ZFHX4: variants seen among roughly 807,000 people sequenced by gnomAD.
ZFHX4 encodes the protein zinc finger homeobox 4.
ZFHX4 carries 56 observed loss-of-function variants against 267.6 expected under a neutral mutation model. The ratio of observed to expected loss-of-function variants is 0.21; its 90% confidence interval spans 0.17 to 0.26. ZFHX4 has a LOEUF of 0.26. ZFHX4 is among the 10% of genes least tolerant of loss of function. The pLI is 1.00. For missense variants in ZFHX4, 4,332 were observed against 4,420.0 expected (o/e 0.98, Z 0.56); for synonymous variants, 1,778 against 1,665.6 (o/e 1.07, Z -1.64).
chr8:76,850,749 A>T (rs1812492013), intron 9 of ZFHX4, 137 bp from the exon 10 acceptor site: 6 of 1,066,924 alleles, frequency 5.6e-6, no homozygotes, highest in African/African-American at 1.6e-5. Context: ...CTTGCCACAT[A>T]GTAGTTGCTC....
At chr8:76,773,114 A>G (rs1332466126) in intron 3 of ZFHX4, among the ~76,000 whole-genome samples, 1 of 152,184 alleles carries the variant, frequency 6.6e-6, no homozygotes, top group East Asian at 1.9e-4. Context: ...CATAGTGTGC[A>G]CACTAATTGT....
chr8:76,813,080 G>T (rs1811418368), intron 4 of ZFHX4, among the ~76,000 whole-genome samples: 1 of 151,980 alleles, frequency 6.6e-6, no homozygotes, highest in Non-Finnish European at 1.5e-5. Context: ...ATATACATAT[G>T]CATAAAAGTA....
intron 4 of ZFHX4, among the ~76,000 whole-genome samples, chr8:76,809,028 C>T (rs987469834): frequency 2.6e-5 from 4 of 151,904 alleles, no homozygotes; most frequent in African/African-American, 9.7e-5. Context: ...ATCTAGTGCA[C>T]CTTAATCTTT....
intron 3 of ZFHX4, among the ~76,000 whole-genome samples, chr8:76,754,738 T>C (rs993804121): frequency 2.0e-5 from 3 of 152,182 alleles, no homozygotes; most frequent in Non-Finnish European, 4.4e-5. Context: ...TCTGAACATA[T>C]GGTCACTTAT....
chr8:76,692,884 A>C (rs532877052), intron 1 of ZFHX4, among the ~76,000 whole-genome samples: 1 of 152,348 alleles, frequency 6.6e-6, no homozygotes. Flanking sequence ...CTTCTTAAAA[A>C]TAAAAGTGTG....
chr8:76,769,698 T>A (rs1361202762), intron 3 of ZFHX4, among the ~76,000 whole-genome samples: 2 of 152,166 alleles, frequency 1.3e-5, no homozygotes, highest in Non-Finnish European at 2.9e-5. Context: ...TTGGCTCTAT[T>A]TGTGGAGTCA....
At chr8:76,824,272 A>G (rs532775763) in intron 4 of ZFHX4, among the ~76,000 whole-genome samples, 54 of 152,362 alleles carry the variant, frequency 3.5e-4, no homozygotes, top group African/African-American at 1.0e-3. Flanking sequence ...TGTGTTCAGT[A>G]AGGCATATGA....
intron 3 of ZFHX4, among the ~76,000 whole-genome samples, chr8:76,732,128 C>A (rs1203454656): frequency 6.6e-6 from 1 of 151,908 alleles, no homozygotes; most frequent in Non-Finnish European, 1.5e-5. Flanking sequence ...AGGCATGAGC[C>A]ACCACACCTG....
chr8:76,859,210 T>C (rs1812806913), intron 10 of ZFHX4, among the ~76,000 whole-genome samples: 1 of 152,198 alleles, frequency 6.6e-6, no homozygotes, highest in African/African-American at 2.4e-5. Context: ...TCTGCAAATT[T>C]TTTATTCCTT....
rs752991216 is a variant in ZFHX4, at chr8:76,854,220, G to A, written c.7299G>A (p.Ser2433=). The stretch of plus-strand genomic sequence containing the variant: ...CCAAACCAGCCCTGCCATTAGCATC[G>A]ACTTCCTCGGACCCACCACAGGCAT... ...QGTKPALPLA[S]TSSDPPQAST... The change falls in exon 10 of 11, where the codon TCG becomes TCA. Residue 2433 remains serine, a synonymous_variant. Transcript: ENST00000651372. 1.3e-5 allele frequency: 21 copies of A among 1,565,304 alleles called. No homozygotes were observed. The Middle Eastern group carries it at 1.2e-3, about 87-fold the overall frequency.
At chr8:76,785,551 A>G (rs530204304) in intron 4 of ZFHX4, among the ~76,000 whole-genome samples, 1 of 152,256 alleles carries the variant, frequency 6.6e-6, no homozygotes, top group Non-Finnish European at 1.5e-5. Context: ...CTTTTCTGAG[A>G]AGCGTAATAC....
intron 1 of ZFHX4, among the ~76,000 whole-genome samples, chr8:76,690,521 T>G (rs935136638): frequency 1.3e-5 from 2 of 152,074 alleles, no homozygotes; most frequent in African/African-American, 4.8e-5. Context: ...CCTGAAATAC[T>G]TTGCTAATGT....
Position 76,853,162 on chromosome 8 carries a change from A to G in ZFHX4, c.6241A>G (p.Ile2081Val), listed in dbSNP as rs16919452. Reference protein sequence around the residue: ...VSLDLPLFPSIMMQPVQHPAL... With the variant: ...VSLDLPLFPSVMMQPVQHPAL... Reference sequence around the variant, plus strand: ...TCTGGACCTGCCGCTCTTTCCTTCCATTATGATGCAACCTGTGCAACACCC... The same window carrying G: ...TCTGGACCTGCCGCTCTTTCCTTCCGTTATGATGCAACCTGTGCAACACCC... Residue 2081 changes from isoleucine (I) to valine (V), a missense_variant, in exon 10 of 11, where the codon ATT becomes GTT. This residue lies in a region of ZFHX4 where 1,371 missense variants were observed against 1,423.1 expected (regional missense o/e 0.96). Transcript: ENST00000651372. 63,407 of 1,546,476 alleles carry G rather than the reference A, an allele frequency of 0.041. 2,469 individuals carry two copies. The highest frequency in any genetic ancestry group is 0.18 in the Admixed American group (9,119 of 50,428).
chr8:76,746,769 A>G (rs1489326845), intron 3 of ZFHX4, among the ~76,000 whole-genome samples: 1 of 152,320 alleles, frequency 6.6e-6, no homozygotes, highest in East Asian at 1.9e-4. Flanking sequence ...CTAAACAACC[A>G]TGTAAGAAAT....
intron 4 of ZFHX4, among the ~76,000 whole-genome samples, chr8:76,797,642 T>A (rs1285871947): frequency 6.6e-6 from 1 of 152,170 alleles, no homozygotes; most frequent in Non-Finnish European, 1.5e-5. Context: ...CTGAACAAGG[T>A]ATAGAATTGA....
At chr8:76,739,091 C>T (rs1809248913) in intron 3 of ZFHX4, among the ~76,000 whole-genome samples, 1 of 152,066 alleles carries the variant, frequency 6.6e-6, no homozygotes, top group South Asian at 2.1e-4. Flanking sequence ...GGAAGCTTTT[C>T]CTCCCCTTTT....
At chr8:76,762,762 A>T (rs1189735616) in intron 3 of ZFHX4, among the ~76,000 whole-genome samples, 1 of 152,184 alleles carries the variant, frequency 6.6e-6, no homozygotes, top group Non-Finnish European at 1.5e-5. Flanking sequence ...GTCATCTTTT[A>T]TACTATGCCT....
intron 4 of ZFHX4, 66 bp downstream of exon 4, chr8:76,778,505 A>G: frequency 8.1e-7 from 1 of 1,234,824 alleles, no homozygotes; most frequent in Admixed American, 1.7e-5. Context: ...ACACACACAC[A>G]CACAAACACA....
intron 3 of ZFHX4, among the ~76,000 whole-genome samples, chr8:76,777,856 G>GT (rs35413380): frequency 0.14 from 18,607 of 128,442 alleles, 1,558 homozygotes; most frequent in African/African-American, 0.26. Context: ...TGATGAACTT[G>GT]TTTTTTTTTT....
Sources: gnomAD v4.1 joint callset for allele counts (sites outside exome capture counted in the v4.1 genomes callset) on GRCh38, gnomAD v4.1.1 for gene constraint, gnomAD v4.1.1 regional missense constraint, MANE v1.5 for transcripts, NCBI Gene and HGNC (gene_info 2026-07-23, HGNC 2026-07-21) for gene names.